The following GPR149 variants were observed in gnomAD, a reference collection of about 807,000 sequenced individuals.
The protein encoded by GPR149 is probable G protein-coupled receptor 149.
GPR149 carries 50 observed loss-of-function variants against 50.2 expected under a neutral mutation model. The ratio of observed to expected loss-of-function variants is 1.00; its 90% confidence interval spans 0.79 to 1.26. The LOEUF (loss-of-function observed/expected upper bound fraction) is 1.26, where lower values mean the gene tolerates loss of function less well. Among genes scored for constraint, GPR149 ranks in the 50% most tolerant of loss-of-function variants. The pLI, the probability that GPR149 is intolerant of heterozygous loss-of-function variation, is 0.00. For missense variants in GPR149, 983 were observed against 895.4 expected (o/e 1.10, Z -1.25); for synonymous variants, 405 against 358.2 (o/e 1.13, Z -1.48).
At chr3:154,417,753 A>G (rs1712028327) in intron 3 of GPR149, among the ~76,000 whole-genome samples, 1 of 152,116 alleles carries the variant, frequency 6.6e-6, no homozygotes, top group Non-Finnish European at 1.5e-5. Context: ...AGAAAAAGAT[A>G]AAAATGAAAG....
intron 2 of GPR149, among the ~76,000 whole-genome samples, chr3:154,425,303 C>T (rs1216918956): frequency 6.6e-6 from 1 of 151,938 alleles, no homozygotes; most frequent in African/African-American, 2.4e-5. Flanking sequence ...CTGAAGTTCA[C>T]TGACTGATAA....
chr3:154,349,935 T>C (rs1714027594), intron 3 of GPR149, among the ~76,000 whole-genome samples: 1 of 152,208 alleles, frequency 6.6e-6, no homozygotes, highest in South Asian at 2.1e-4. Context: ...CATCAATATT[T>C]ATTTCTTTAC....
intron 3 of GPR149, among the ~76,000 whole-genome samples, chr3:154,346,506 G>C (rs1280725067): frequency 2.0e-5 from 3 of 152,116 alleles, no homozygotes; most frequent in African/African-American, 7.2e-5. Flanking sequence ...TCAAGGGTCT[G>C]TAAGAGGCAT....
chr3:154,383,012 C>G (rs1714966061), intron 3 of GPR149, among the ~76,000 whole-genome samples: 1 of 152,068 alleles, frequency 6.6e-6, no homozygotes, highest in Non-Finnish European at 1.5e-5. Context: ...CAGAATGGCT[C>G]TCGTTGAGAA....
chr3:154,372,269 A>C (rs1430787974), intron 3 of GPR149, among the ~76,000 whole-genome samples: 1 of 152,186 alleles, frequency 6.6e-6, no homozygotes, highest in Non-Finnish European at 1.5e-5. Context: ...TATGCTTAAA[A>C]TATTCCTAAC....
intron 3 of GPR149, among the ~76,000 whole-genome samples, chr3:154,385,593 T>C (rs577627527): frequency 3.9e-5 from 6 of 151,962 alleles, no homozygotes; most frequent in African/African-American, 1.4e-4. Flanking sequence ...GTTTTTATTA[T>C]ACAATCACAT....
intron 3 of GPR149, among the ~76,000 whole-genome samples, chr3:154,409,471 T>G (rs1711779213): frequency 6.6e-6 from 1 of 151,560 alleles, no homozygotes; most frequent in Non-Finnish European, 1.5e-5. Flanking sequence ...CTTCAAGAAA[T>G]CAAAAACATG....
chr3:154,342,819 C>T (rs1713828028), intron 3 of GPR149, among the ~76,000 whole-genome samples: 1 of 152,078 alleles, frequency 6.6e-6, no homozygotes, highest in South Asian at 2.1e-4. Flanking sequence ...AGATTGATGC[C>T]ATCTTTAGAG....
intron 3 of GPR149, among the ~76,000 whole-genome samples, chr3:154,375,454 C>T (rs1714770092): frequency 6.6e-6 from 1 of 152,116 alleles, no homozygotes; most frequent in Admixed American, 6.5e-5. Flanking sequence ...CAAATTGAAG[C>T]TAAAACATTA....
rs534517429 is a variant in GPR149, at chr3:154,424,850, T to C, written c.1174+2666A>G. ...TATAAAAACAAATCATTTTTCGGAG[T>C]AATGTCACTTACCAGATACTATCAT... is the stretch of plus-strand genomic sequence containing the variant. On this transcript the variant is annotated intron_variant, in intron 2 of 3. Coordinates refer to ENST00000389740, the MANE Select transcript of GPR149 (RefSeq NM_001038705.3). Among the ~76,000 whole-genome samples, 10 of 150,882 alleles carry C rather than the reference T, an allele frequency of 6.6e-5. No individual in the cohort carries two copies. The South Asian group carries it at 1.7e-3, about 25-fold the overall frequency.
At chr3:154,341,739 G>T (rs1371233076) in intron 3 of GPR149, among the ~76,000 whole-genome samples, 2 of 152,044 alleles carry the variant, frequency 1.3e-5, no homozygotes, top group South Asian at 2.1e-4. Flanking sequence ...AGATATAGTT[G>T]CAGGGGTAAA....
At chr3:154,394,939 C>T (rs1181701769) in intron 3 of GPR149, among the ~76,000 whole-genome samples, 1 of 152,104 alleles carries the variant, frequency 6.6e-6, no homozygotes, top group Non-Finnish European at 1.5e-5. Context: ...TTAGTAGCTT[C>T]CATCTACTAT....
At chr3:154,401,003 C>T (rs955309120) in intron 3 of GPR149, among the ~76,000 whole-genome samples, 3 of 152,110 alleles carry the variant, frequency 2.0e-5, no homozygotes, top group Admixed American at 6.6e-5. Context: ...CACAGGATGA[C>T]GAATGCGTTT....
At chr3:154,398,931 G>A (rs932856758) in intron 3 of GPR149, among the ~76,000 whole-genome samples, 3 of 152,208 alleles carry the variant, frequency 2.0e-5, no homozygotes, top group South Asian at 4.1e-4. Context: ...AGAGCTGAAT[G>A]TAACTCCAAT....
intron 3 of GPR149, among the ~76,000 whole-genome samples, chr3:154,340,914 G>A (rs906921689): frequency 2.6e-5 from 4 of 152,066 alleles, no homozygotes; most frequent in Non-Finnish European, 5.9e-5. Flanking sequence ...TAGAGACAGG[G>A]TTTCACTATG....
chr3:154,368,797 C>T (rs1020388226), intron 3 of GPR149, among the ~76,000 whole-genome samples: 1 of 152,158 alleles, frequency 6.6e-6, no homozygotes, highest in Admixed American at 6.5e-5. Flanking sequence ...CCTCCTGTTG[C>T]TAATTCAGAG....
intron 3 of GPR149, among the ~76,000 whole-genome samples, chr3:154,400,127 T>C (rs867859574): frequency 1.1e-3 from 164 of 151,818 alleles, no homozygotes; most frequent in African/African-American, 3.5e-3. Flanking sequence ...GCTGGGACTA[T>C]AGGCGCCCGC....
At chr3:154,425,705 T>C (rs1468024251) in intron 2 of GPR149, among the ~76,000 whole-genome samples, 1 of 152,168 alleles carries the variant, frequency 6.6e-6, no homozygotes, top group Admixed American at 6.5e-5. Context: ...ATAAAAGCAA[T>C]GGTAATTTTA....
chr3:154,353,940 A>G (rs1261057920), intron 3 of GPR149: 19 of 507,490 alleles, frequency 3.7e-5, no homozygotes, highest in Non-Finnish European at 6.6e-5. Flanking sequence ...TTCTGTTCAC[A>G]TGTTAAGGTC....
Sources: gnomAD v4.1 joint callset for allele counts (sites outside exome capture counted in the v4.1 genomes callset) on GRCh38, gnomAD v4.1.1 for gene constraint, MANE v1.5 for transcripts, NCBI Gene and HGNC (gene_info 2026-07-23, HGNC 2026-07-21) for gene names.